AGAP1: variants seen among roughly 807,000 people sequenced by gnomAD.
AGAP1 encodes the protein ArfGAP with GTPase domain, ankyrin repeat and PH domain 1.
AGAP1 carries 29 observed loss-of-function variants against 105.3 expected under a neutral mutation model. The ratio of observed to expected loss-of-function variants is 0.28; its 90% CI spans 0.21 to 0.38. The LOEUF is 0.38. Among genes scored for constraint, AGAP1 ranks in the 10% least tolerant of loss-of-function variants. The pLI, the probability that AGAP1 is intolerant of heterozygous loss-of-function variation, is 1.00. For missense variants in AGAP1, 998 were observed against 1,165.1 expected, an observed-to-expected ratio of 0.86 and a Z score of 2.09; for synonymous variants, 509 against 485.9, an observed-to-expected ratio of 1.05 and a Z score of -0.63.
At chr2:235,871,312 C>T (rs553394580) in intron 9 of AGAP1, among the ~76,000 whole-genome samples, 2 of 152,330 alleles carry the variant, frequency 1.3e-5, no homozygotes, top group African/African-American at 4.8e-5. Context: ...TCTCTCCTCC[C>T]GTATTTAACA....
chr2:235,683,822 A>G (rs1001499960), intron 1 of AGAP1, among the ~76,000 whole-genome samples: 2 of 151,842 alleles, frequency 1.3e-5, no homozygotes. Flanking sequence ...TACATTAGGT[A>G]ATTCTCCTAA....
chr2:235,915,228 T>G (rs1428528710), intron 11 of AGAP1, among the ~76,000 whole-genome samples: 1 of 152,220 alleles, frequency 6.6e-6, no homozygotes, highest in African/African-American at 2.4e-5. Context: ...ACGAAGGTGT[T>G]TGTGGGAACC....
intron 9 of AGAP1, among the ~76,000 whole-genome samples, chr2:235,876,849 T>C (rs1056436035): frequency 1.4e-4 from 21 of 148,646 alleles, no homozygotes; most frequent in Non-Finnish European, 2.9e-4. Context: ...GTGGAACCTT[T>C]TTTTTTTTTT....
intron 1 of AGAP1, among the ~76,000 whole-genome samples, chr2:235,617,746 C>T (rs545951954): frequency 6.6e-6 from 1 of 152,284 alleles, no homozygotes; most frequent in Non-Finnish European, 1.5e-5. Context: ...ATCTCTGTTT[C>T]TGCGGCCTGG....
At position 235,551,448 on chromosome 2, in the gene AGAP1, G is replaced by A. The variant is rs534984997; in HGVS notation, c.163+56599G>A. ...AGCCTCCCAAGTAGCTGGGACTACA[G>A]GTGCGCAGCACCACACCTGGCTGAT... On this transcript the variant is annotated intron_variant, in intron 1 of 17. Coordinates refer to ENST00000304032, the MANE Select transcript of AGAP1 (RefSeq NM_001037131.3). This position sits in a 1 kb window ranked among gnomAD's most constrained non-coding sequence, Gnocchi z 4.8. 1.3e-5 allele frequency among the ~76,000 whole-genome samples: 2 copies of A among 151,228 alleles called. No individual in the cohort carries two copies. The highest frequency in any genetic ancestry group is 6.6e-5 in the Admixed American group (1 of 15,190).
rs1286343599 is a variant in AGAP1, at chr2:235,712,914, C to T, written c.222+3677C>T. On this transcript the variant is annotated intron_variant, in intron 2 of 17. Coordinates refer to ENST00000304032, the MANE Select transcript of AGAP1 (RefSeq NM_001037131.3). The surrounding 1 kb of genome is among the most constrained non-coding windows in gnomAD (Gnocchi z 6.0). ...GCATTTTGACCCCTTATTTTATTTT[C>T]CTTTCACCATCAACTGTTAATTTCC... is the stretch of plus-strand genomic sequence containing the variant. 6.6e-6 allele frequency among the ~76,000 whole-genome samples: 1 copy of T among 152,212 alleles called. No homozygotes were observed. The highest frequency in any genetic ancestry group is 2.4e-5 in the African/African-American group (1 of 41,460).
rs903814363 is a variant in AGAP1 at position 235,927,262 on chromosome 2, T to C, written c.1325-3503T>C. 1.3e-5 allele frequency among the ~76,000 whole-genome samples: 2 copies of C among 152,058 alleles called. No individual in the cohort carries two copies. Among genetic ancestry groups the C allele is most frequent in the Non-Finnish European group, 2.9e-5 (2 of 68,002 alleles). The stretch of plus-strand genomic sequence containing the variant: ...GTCTTCCATCTGGACACCAGGAGCA[T>C]GTGGTCTTGCCAGGAGGTTCGTCAC... On this transcript the variant is annotated intron_variant, in intron 11 of 17. Coordinates refer to ENST00000304032, the MANE Select transcript of AGAP1 (RefSeq NM_001037131.3). The surrounding 1 kb of genome is among the most constrained non-coding windows in gnomAD (Gnocchi z 4.4).
intron 1 of AGAP1, among the ~76,000 whole-genome samples, chr2:235,702,111 G>A (rs141558207): frequency 6.7e-4 from 102 of 152,166 alleles, no homozygotes; most frequent in African/African-American, 2.3e-3. Context: ...TCTGGAATGC[G>A]TATTTGTGGT....
rs1175064598 is a variant in AGAP1, at chr2:235,888,825, C to CTGG, written c.1155+5376_1155+5377insTGG. 3.3e-5 allele frequency among the ~76,000 whole-genome samples: 5 copies of CTGG among 152,190 alleles called. No homozygotes were observed. Among genetic ancestry groups the CTGG allele is most frequent in the Non-Finnish European group, 7.3e-5 (5 of 68,044 alleles). On this transcript the variant is annotated intron_variant, in intron 10 of 17. Coordinates refer to ENST00000304032, the MANE Select transcript of AGAP1 (RefSeq NM_001037131.3). The surrounding 1 kb of genome is among the most constrained non-coding windows in gnomAD (Gnocchi z 4.8). Reference sequence around the variant, plus strand: ...CAGCTCCTGCGTGCTCCCAGCAGTGCCAGCATCCTCATACCTTTGTTTGGG... The same window carrying CTGG: ...CAGCTCCTGCGTGCTCCCAGCAGTGCTGGCAGCATCCTCATACCTTTGTTTGGG...
Position 235,962,522 on chromosome 2 carries a change from G to T in AGAP1, c.1484-5940G>T, listed in dbSNP as rs2054235536. On this transcript the variant is annotated intron_variant, in intron 12 of 17. Coordinates refer to ENST00000304032, the MANE Select transcript of AGAP1 (RefSeq NM_001037131.3). This position sits in a 1 kb window ranked among gnomAD's most constrained non-coding sequence, Gnocchi z 5.3. ...CACGGGAGTGAAGGCCTAGTGAGCTGGGGAGGCAGGGGTGGGGGTGGCAGT... is the reference window on the plus strand; with the variant it reads ...CACGGGAGTGAAGGCCTAGTGAGCTTGGGAGGCAGGGGTGGGGGTGGCAGT... Among the ~76,000 whole-genome samples the T allele has an allele frequency of 6.6e-6, 1 of 152,148 alleles. No homozygotes were observed.
rs986683263 is a variant in AGAP1, at chr2:235,690,672, G to A, written c.164-18507G>A. On this transcript the variant is annotated intron_variant, in intron 1 of 17. Coordinates refer to ENST00000304032, the MANE Select transcript of AGAP1 (RefSeq NM_001037131.3). The surrounding 1 kb of genome is among the most constrained non-coding windows in gnomAD (Gnocchi z 4.1). ...AGCCAGTGCTCCTGGCCCTGAATGT[G>A]TTTGAAGGAGCTCTTTGGAAAGAGG... Among the ~76,000 whole-genome samples the A allele has an allele frequency of 6.6e-6, 1 of 152,170 alleles. No homozygotes were observed. Among genetic ancestry groups the A allele is most frequent in the African/African-American group, 2.4e-5 (1 of 41,466 alleles).
intron 1 of AGAP1, among the ~76,000 whole-genome samples, chr2:235,510,373 T>C (rs1482448527): frequency 6.6e-6 from 1 of 152,240 alleles, no homozygotes; most frequent in East Asian, 1.9e-4. Context: ...GTTACATATA[T>C]CCATAGCTTT....
At chr2:235,717,768 G>A in intron 3 of AGAP1, 124 bp downstream of exon 3, 4 of 808,598 alleles carry the variant, frequency 4.9e-6, no homozygotes, top group East Asian at 2.9e-5. Flanking sequence ...ATACCAAGCG[G>A]TAAAAACCCT....
intron 10 of AGAP1, among the ~76,000 whole-genome samples, chr2:235,885,359 G>T (rs1424413763): frequency 1.3e-5 from 2 of 152,174 alleles, no homozygotes; most frequent in African/African-American, 4.8e-5. Flanking sequence ...TCTGAAAAAT[G>T]AACCTTGGCA....
chr2:235,751,711 C>T lies in AGAP1; in HGVS notation c.673+1223C>T, dbSNP rs759923727. 2.0e-5 allele frequency among the ~76,000 whole-genome samples: 3 copies of T among 152,184 alleles called. No homozygotes were observed. The highest frequency in any genetic ancestry group is 2.1e-4 in the South Asian group (1 of 4,832). On this transcript the variant is annotated intron_variant, in intron 6 of 17. Coordinates refer to ENST00000304032, the MANE Select transcript of AGAP1 (RefSeq NM_001037131.3). This position sits in a 1 kb window ranked among gnomAD's most constrained non-coding sequence, Gnocchi z 5.3. ...CAGTGAGGTTCCTTTCTAAGCCTGC[C>T]GTCTCTTCCCGCGCATCTCTGCCTC...
chr2:235,589,891 T>A (rs1945272007), intron 1 of AGAP1, among the ~76,000 whole-genome samples: 1 of 152,000 alleles, frequency 6.6e-6, no homozygotes, highest in African/African-American at 2.4e-5. Flanking sequence ...ATTTTCCTTT[T>A]TTTTTTTGAG....
chr2:235,685,615 G>A (rs1949338453), intron 1 of AGAP1, among the ~76,000 whole-genome samples: 1 of 151,912 alleles, frequency 6.6e-6, no homozygotes, highest in African/African-American at 2.4e-5. Flanking sequence ...AAGGCCCATG[G>A]GTGGTTTTGT....
chr2:235,715,934 T>C (rs1378428530), intron 2 of AGAP1, among the ~76,000 whole-genome samples: 1 of 152,048 alleles, frequency 6.6e-6, no homozygotes, highest in Non-Finnish European at 1.5e-5. Flanking sequence ...AGGCAAGGTG[T>C]GGACCCATCG....
At chr2:236,067,919 T>A (rs2125783332) in intron 16 of AGAP1, among the ~76,000 whole-genome samples, 1 of 152,306 alleles carries the variant, frequency 6.6e-6, no homozygotes, top group Admixed American at 6.5e-5. Context: ...TGCTATCTCA[T>A]CTGGCAAAGA....
Sources: gnomAD v4.1 joint callset for allele counts (sites outside exome capture counted in the v4.1 genomes callset) on GRCh38, gnomAD v4.1.1 for gene constraint, Gnocchi (gnomAD v3.1) non-coding constraint, MANE v1.5 for transcripts, NCBI Gene and HGNC (gene_info 2026-07-23, HGNC 2026-07-21) for gene names.